The following TASP1 variants were observed in gnomAD, a reference collection of about 807,000 sequenced individuals.
TASP1 encodes the protein threonine aspartase 1.
A neutral mutation model predicts 56.6 loss-of-function variants in TASP1; 16 were observed. The observed-to-expected ratio is 0.28, with a 90% CI of 0.19 to 0.43. The LOEUF (loss-of-function observed/expected upper bound fraction) is 0.43, where lower values mean the gene tolerates loss of function less well. Among genes scored for constraint, TASP1 ranks in the 20% least tolerant of loss-of-function variants. The pLI, the probability that TASP1 is intolerant of heterozygous loss-of-function variation, is 1.00. For missense variants in TASP1, 393 were observed against 511.6 expected (o/e 0.77, Z 2.24); for synonymous variants, 179 against 184.2 (o/e 0.97, Z 0.23).
chr20:13,580,778 G>A (rs2047092402), intron 6 of TASP1, 119 bp downstream of exon 6: 10 of 915,382 alleles, frequency 1.1e-5, no homozygotes, highest in South Asian at 4.8e-5. Flanking sequence ...CCAAGATCAC[G>A]GAACAAAGTT....
chr20:13,187,995 T>C, the TASP1 span, among the ~76,000 whole-genome samples: 25 of 152,270 alleles, frequency 1.6e-4, no homozygotes, highest in South Asian at 6.2e-4. Context: ...GGCTGCTCCC[T>C]TGTTAATAGG....
the TASP1 span, among the ~76,000 whole-genome samples, chr20:13,329,435 T>C: frequency 6.6e-6 from 1 of 152,190 alleles, no homozygotes; most frequent in Admixed American, 6.5e-5. Flanking sequence ...CACTAAAACC[T>C]TGATCTCACC....
At chr20:13,561,173 A>C (rs751406342) in intron 7 of TASP1, among the ~76,000 whole-genome samples, 6 of 152,280 alleles carry the variant, frequency 3.9e-5, no homozygotes, top group Middle Eastern at 6.8e-3. Flanking sequence ...GAGATAGTTC[A>C]TTTTTACTGG....
intron 4 of TASP1, chr20:13,600,525 G>T (rs561931102): frequency 1.1e-4 from 16 of 152,112 alleles, no homozygotes; most frequent in African/African-American, 3.9e-4. Context: ...ATATACAAAG[G>T]AAATAAAAGA....
At chr20:13,383,382 G>A in the TASP1 span, among the ~76,000 whole-genome samples, 1 of 152,182 alleles carries the variant, frequency 6.6e-6, no homozygotes, top group Non-Finnish European at 1.5e-5. Context: ...ATTTGTGAAT[G>A]GATTGGTTGT....
the TASP1 span, among the ~76,000 whole-genome samples, chr20:13,157,045 T>C: frequency 7.2e-5 from 11 of 152,156 alleles, no homozygotes; most frequent in Admixed American, 2.6e-4. Flanking sequence ...GTACTAAATA[T>C]ATGCTAAGTA....
the TASP1 span, among the ~76,000 whole-genome samples, chr20:13,241,532 T>TGAGCTA: frequency 6.6e-6 from 1 of 151,976 alleles, no homozygotes; most frequent in Non-Finnish European, 1.5e-5. Context: ...TGTGTAACAA[T>TGAGCTA]TGGGAAGAGA....
At chr20:13,567,548 A>G (rs1236093933) in intron 7 of TASP1, among the ~76,000 whole-genome samples, 1 of 152,118 alleles carries the variant, frequency 6.6e-6, no homozygotes, top group African/African-American at 2.4e-5. Flanking sequence ...GTGCAAAATG[A>G]GCACTCAACA....
chr20:13,441,062 C>T (rs977687421), intron 11 of TASP1, among the ~76,000 whole-genome samples: 33 of 152,234 alleles, frequency 2.2e-4, no homozygotes, highest in Admixed American at 2.0e-3. Flanking sequence ...AAATCCTTTA[C>T]CTCTTCCCTC....
chr20:13,458,234 C>T (rs1277191036), intron 11 of TASP1, among the ~76,000 whole-genome samples: 1 of 152,148 alleles, frequency 6.6e-6, no homozygotes, highest in Non-Finnish European at 1.5e-5. Context: ...AGAGCAAGTT[C>T]TACACATTCA....
intron 13 of TASP1, among the ~76,000 whole-genome samples, chr20:13,409,668 A>AT (rs2042033176): frequency 6.6e-6 from 1 of 151,480 alleles, no homozygotes; most frequent in Admixed American, 6.6e-5. Context: ...TTATGTTTTT[A>AT]TTTTTTTCAA....
At chr20:13,345,854 C>G in the TASP1 span, among the ~76,000 whole-genome samples, 19 of 150,874 alleles carry the variant, frequency 1.3e-4, no homozygotes, top group Non-Finnish European at 2.4e-4. Context: ...CCACTGCTGT[C>G]CCAGCCTCCT....
intron 13 of TASP1, among the ~76,000 whole-genome samples, chr20:13,402,501 GTTTA>G (rs758503721): frequency 1.4e-4 from 22 of 152,130 alleles, no homozygotes; most frequent in Non-Finnish European, 3.2e-4. Context: ...TTTTCCTGTG[GTTTA>G]TAAGTGCACT....
the TASP1 span, among the ~76,000 whole-genome samples, chr20:13,176,026 T>C: frequency 6.6e-6 from 1 of 152,030 alleles, no homozygotes; most frequent in African/African-American, 2.4e-5. Context: ...AATATAATAA[T>C]TAATAGTAAA....
chr20:13,493,247 C>T (rs944447193), intron 10 of TASP1, among the ~76,000 whole-genome samples: 5 of 152,168 alleles, frequency 3.3e-5, no homozygotes, highest in African/African-American at 1.2e-4. Flanking sequence ...GTGTAATTGA[C>T]AAAGCTTCAG....
At chr20:13,220,448 G>T in the TASP1 span, among the ~76,000 whole-genome samples, 3 of 152,346 alleles carry the variant, frequency 2.0e-5, no homozygotes, top group East Asian at 5.8e-4. Flanking sequence ...GCCCGGGATC[G>T]ACAGCTGCGC....
the TASP1 span, among the ~76,000 whole-genome samples, chr20:13,129,675 T>A: frequency 1.3e-5 from 2 of 152,228 alleles, no homozygotes; most frequent in African/African-American, 4.8e-5. Context: ...AACTTTGCAA[T>A]CATGTCCTTC....
At chr20:13,118,251 C>T in the TASP1 span, among the ~76,000 whole-genome samples, 1 of 151,890 alleles carries the variant, frequency 6.6e-6, no homozygotes, top group African/African-American at 2.4e-5. Flanking sequence ...TTAATCAAAA[C>T]GGTGGCAGGA....
At chr20:13,517,559 A>G (rs2044587404) in intron 10 of TASP1, among the ~76,000 whole-genome samples, 1 of 152,150 alleles carries the variant, frequency 6.6e-6, no homozygotes, top group Admixed American at 6.6e-5. Context: ...AAAAATTATC[A>G]GTTTCATTTC....
Sources: allele counts gnomAD v4.1 joint callset (sites outside exome capture counted in the v4.1 genomes callset), GRCh38; gene constraint gnomAD v4.1.1; transcripts MANE v1.5; gene names NCBI Gene and HGNC (gene_info 2026-07-23, HGNC 2026-07-21).